The following TOPAZ1 variants were observed in gnomAD, a reference collection of about 807,000 sequenced individuals.
TOPAZ1 encodes testis and ovary specific TOPAZ 1, also known as protein TOPAZ1.
TOPAZ1 carries 66 observed loss-of-function variants against 172.2 expected under a neutral mutation model. That is an observed-to-expected ratio of 0.38 (90% CI 0.31 to 0.47). The LOEUF is 0.47. Among genes scored for constraint, TOPAZ1 ranks in the 20% least tolerant of loss-of-function variants. The pLI is 0.99. For synonymous variants in TOPAZ1, 681 were observed against 683.9 expected (o/e 1.00, Z 0.07); for missense variants, 1,822 against 1,972.4 (o/e 0.92, Z 1.44).
chr3:44,259,659 A>C (rs1214855064), intron 4 of TOPAZ1, among the ~76,000 whole-genome samples: 2 of 152,176 alleles, frequency 1.3e-5, no homozygotes, highest in Non-Finnish European at 1.5e-5. Context: ...GGAGTTGTCA[A>C]ATTGTCCTTC....
Position 44,269,200 on chromosome 3 carries a change from T to C in TOPAZ1, c.3161-16T>C. 6.9e-7 allele frequency: 1 copy of C among 1,458,792 alleles called. No homozygotes were observed. The highest frequency in any genetic ancestry group is 1.4e-5 in the African/African-American group (1 of 71,246). 90.4% of individuals were successfully genotyped at this position (1,458,792 alleles called of 1,614,324 possible). A position where few individuals can be genotyped will look rare whatever the true frequency, so the allele number is the denominator to read the frequency against. On this transcript the variant is annotated splice_polypyrimidine_tract_variant and intron_variant, in intron 6 of 19. Coordinates refer to ENST00000309765, the MANE Select transcript of TOPAZ1 (RefSeq NM_001145030.2). Reference sequence around the variant, plus strand: ...GTAACATATTGGTGTGTAATGCCACTCTAAATCATTTCTAGATTTCAGATT... The same window carrying C: ...GTAACATATTGGTGTGTAATGCCACCCTAAATCATTTCTAGATTTCAGATT...
chr3:44,302,276 G>T (rs1170835473), intron 12 of TOPAZ1, among the ~76,000 whole-genome samples: 1 of 152,066 alleles, frequency 6.6e-6, no homozygotes, highest in Non-Finnish European at 1.5e-5. Flanking sequence ...CGGGTGTGGT[G>T]GCGGGCACCT....
chr3:44,286,501 G>C (rs1376881032), intron 9 of TOPAZ1, among the ~76,000 whole-genome samples: 1 of 152,072 alleles, frequency 6.6e-6, no homozygotes, highest in Non-Finnish European at 1.5e-5. Context: ...TTTGAATATT[G>C]TTATACCATA....
intron 15 of TOPAZ1, among the ~76,000 whole-genome samples, chr3:44,309,489 T>C (rs910297610): frequency 2.0e-5 from 3 of 152,230 alleles, no homozygotes; most frequent in Admixed American, 6.5e-5. Context: ...ATCAGTAGTT[T>C]TCTATGCTAA....
chr3:44,307,786 A>T (rs1261859471), intron 15 of TOPAZ1, among the ~76,000 whole-genome samples: 1 of 152,152 alleles, frequency 6.6e-6, no homozygotes, highest in Non-Finnish European at 1.5e-5. Flanking sequence ...TTAACCTAGA[A>T]TGGTTGTATA....
At chr3:44,318,136 G>A (rs1302259217) in intron 16 of TOPAZ1, among the ~76,000 whole-genome samples, 1 of 110,882 alleles carries the variant, frequency 9.0e-6, no homozygotes, top group East Asian at 2.7e-4. Context: ...GCCAGGAAGG[G>A]GAGAAGGGCT....
intron 18 of TOPAZ1, among the ~76,000 whole-genome samples, chr3:44,325,704 C>T (rs1210107614): frequency 1.3e-5 from 2 of 151,214 alleles, no homozygotes; most frequent in African/African-American, 2.4e-5. Context: ...AGTACAGTGG[C>T]GCAATCTCGG....
At position 44,242,156 on chromosome 3, in the gene TOPAZ1, G is replaced by A; in HGVS notation, c.103G>A (p.Gly35Ser). 1 of 1,548,456 alleles carries A rather than the reference G, an allele frequency of 6.5e-7. No individual in the cohort carries two copies. The highest frequency in any genetic ancestry group is 8.7e-7 in the Non-Finnish European group (1 of 1,146,202). Residue 35 changes from glycine to serine, a missense_variant, in exon 1 of 20, where the codon GGC (glycine) becomes AGC (serine). By Grantham distance (56) the Gly-to-Ser change is moderately conservative. This residue lies in a region of TOPAZ1 where 1,489 missense variants were observed against 1,490.8 expected (regional missense o/e 1.00). Coordinates refer to ENST00000309765, the MANE Select transcript of TOPAZ1 (RefSeq NM_001145030.2). ...RQAPGPGAAGGCGPEAGGCRE... is the reference protein window; with the variant it reads ...RQAPGPGAAGSCGPEAGGCRE... ...GGCGCCAGGGCCAGGCGCGGCGGGA[G>A]GCTGTGGCCCTGAGGCCGGGGGGTG...
chr3:44,313,556 G>T lies in TOPAZ1; in HGVS notation c.4306+3566G>T, dbSNP rs990665443. On this transcript the variant is annotated intron_variant, in intron 16 of 19. Coordinates refer to ENST00000309765, the MANE Select transcript of TOPAZ1 (RefSeq NM_001145030.2). The stretch of plus-strand genomic sequence containing the variant: ...GGCATGAACCCGGGAGGCGGAGCTT[G>T]CAGTGAGCCAAGATCACGCCACTGC... Among the ~76,000 whole-genome samples the T allele has an allele frequency of 2.7e-5, 4 of 149,990 alleles. No individual in the cohort carries two copies. The East Asian group carries it at 7.8e-4, about 29-fold the overall frequency.
At chr3:44,334,936 C>T (rs77398765), downstream of TOPAZ1, among the ~76,000 whole-genome samples, 1 of 152,092 alleles carries the variant, frequency 6.6e-6, no homozygotes, top group African/African-American at 2.4e-5. Context: ...CTAGTTTTTG[C>T]GATTGTGAGG....
rs1168995280 is a variant in TOPAZ1, at chr3:44,304,042, C to T, written c.3825C>T (p.Asn1275=). 2 of 1,537,898 alleles carry T rather than the reference C, an allele frequency of 1.3e-6. No individual in the cohort carries two copies. Among genetic ancestry groups the T allele is most frequent in the Non-Finnish European group, 1.8e-6 (2 of 1,136,556 alleles). The change falls in exon 13 of 20, where the codon AAC becomes AAT. Residue 1275 remains asparagine, a synonymous_variant. Transcript: ENST00000309765. The stretch of plus-strand genomic sequence containing the variant: ...TACAGATGAGACGATTTAAAAAGAA[C>T]TGGAAGTGTGATTTAGATTCAGCCT... ...SRLQMRRFKK[N]WKCDLDSALN... is the part of the protein sequence containing the mutation.
rs544717232 is a variant in TOPAZ1 at position 44,284,218 on chromosome 3, C to G, written c.3436+2187C>G. ...GTGTAACCATCACCATTATCCATTC[C>G]CAGAACTTTCTCATTCCAAACAGAA... is the stretch of plus-strand genomic sequence containing the variant. On this transcript the variant is annotated intron_variant, in intron 9 of 19. Transcript: ENST00000309765. 2.0e-5 allele frequency among the ~76,000 whole-genome samples: 3 copies of G among 152,264 alleles called. No individual in the cohort carries two copies. In the East Asian group the frequency reaches 5.8e-4, roughly 29 times the overall value.
At chr3:44,262,748 T>A (rs576910299) in intron 5 of TOPAZ1, among the ~76,000 whole-genome samples, 67 of 152,342 alleles carry the variant, frequency 4.4e-4, no homozygotes, top group Middle Eastern at 6.8e-3. Flanking sequence ...AAATGATGTA[T>A]GTTTGACTTT....
chr3:44,270,506 T>A (rs949895086), intron 7 of TOPAZ1, among the ~76,000 whole-genome samples, 179 bp from the exon 8 acceptor site: 8 of 152,232 alleles, frequency 5.3e-5, no homozygotes, highest in Non-Finnish European at 1.0e-4. Flanking sequence ...AATGATTTTT[T>A]AATTATTTTT....
Position 44,282,044 on chromosome 3 carries a change from T to A in TOPAZ1, c.3436+13T>A. ...CTACAGCGTGCAGGTATGAAACAAT[T>A]AAATAATTAGTATGAAGCTATTAAT... On this transcript the variant is annotated intron_variant, in intron 9 of 19. Transcript: ENST00000309765. 1 of 1,468,598 alleles carries A rather than the reference T, an allele frequency of 6.8e-7. No individual in the cohort carries two copies. 91.0% of individuals were successfully genotyped at this position (1,468,598 alleles called of 1,614,324 possible).
rs1400271068 is a variant in TOPAZ1, at chr3:44,323,055, A to G, written c.4472-37A>G. 9 of 1,401,886 alleles carry G rather than the reference A, an allele frequency of 6.4e-6. No homozygotes were observed. In the East Asian group the frequency reaches 1.5e-4, roughly 23 times the overall value. 86.8% of individuals were successfully genotyped at this position (1,401,886 alleles called of 1,614,324 possible). On this transcript the variant is annotated intron_variant, in intron 17 of 19. Coordinates refer to ENST00000309765, the MANE Select transcript of TOPAZ1 (RefSeq NM_001145030.2). ...AGATGGAGGTTTGAGACACTTTAAT[A>G]TAAATGAATTTTATTATATCATTTT... is the stretch of plus-strand genomic sequence containing the variant.
chr3:44,258,685 T>C (rs942888885), intron 4 of TOPAZ1, among the ~76,000 whole-genome samples: 4 of 152,218 alleles, frequency 2.6e-5, no homozygotes, highest in Non-Finnish European at 5.9e-5. Flanking sequence ...ATGGTATAAG[T>C]GTACCATAGT....
In TOPAZ1 at chr3:44,244,113, C is replaced by A. The variant is rs1699527727; in HGVS notation, c.1607C>A (p.Thr536Lys). The A allele has an allele frequency of 6.4e-7, 1 of 1,551,660 alleles. No homozygotes were observed. The highest frequency in any genetic ancestry group is 8.7e-7 in the Non-Finnish European group (1 of 1,146,948). Residue 536 changes from threonine (T) to lysine (K), a missense_variant, in exon 2 of 20, where the codon ACA (threonine) becomes AAA (lysine). Coordinates refer to ENST00000309765, the MANE Select transcript of TOPAZ1 (RefSeq NM_001145030.2). Reference sequence around the variant, plus strand: ...CAAGTTGATGTCCCTAAACACCAAACAAACCAGACCCATTTAACTGACTCC... The same window carrying A: ...CAAGTTGATGTCCCTAAACACCAAAAAAACCAGACCCATTTAACTGACTCC... ...CRQVDVPKHQ[T>K]NQTHLTDSKL...
chr3:44,309,848 A>G lies in TOPAZ1; in HGVS notation c.4164A>G (p.Leu1388=), dbSNP rs184940396. 5.9e-6 allele frequency: 9 copies of G among 1,531,592 alleles called. No individual in the cohort carries two copies. In the Admixed American group the frequency reaches 1.7e-4, roughly 28 times the overall value. The allele number at this position is 1,531,592 out of a possible 1,614,324, so 94.9% of individuals were successfully genotyped here. A position where few individuals can be genotyped will look rare whatever the true frequency, so the allele number is the denominator to read the frequency against. ...WSKGRKVLEK[L]YELKIHFTSL... is the part of the protein sequence containing the mutation. ...AGGGAAGGAAGGTCTTAGAGAAACT[A>G]TATGAATTAAAAATACACTTTACAA... The change falls in exon 16 of 20, where the codon CTA becomes CTG. Residue 1388 remains leucine, a synonymous_variant. Coordinates refer to ENST00000309765, the MANE Select transcript of TOPAZ1 (RefSeq NM_001145030.2).
Sources: allele counts gnomAD v4.1 joint callset (sites outside exome capture counted in the v4.1 genomes callset), GRCh38; gene constraint gnomAD v4.1.1; regional missense constraint gnomAD v4.1.1; transcripts MANE v1.5; gene names NCBI Gene and HGNC (gene_info 2026-07-23, HGNC 2026-07-21).